The following PVT1 variants were observed in gnomAD, a reference collection of about 807,000 sequenced individuals.
The protein encoded by PVT1 is CXCR4/PVT1 fusion.
chr8:127,899,937 G>C (rs192823806), intron 3 of PVT1, among the ~76,000 whole-genome samples: 2 of 152,306 alleles, frequency 1.3e-5, no homozygotes, highest in South Asian at 4.1e-4. Flanking sequence ...AAAGGGCAAC[G>C]TAACAAAAGC....
In PVT1 at chr8:127,995,134, T is replaced by G. The variant is rs149244086; in HGVS notation, n.912+5843T>G. On this transcript the variant is annotated intron_variant and non_coding_transcript_variant, in intron 4 of 10. Coordinates refer to ENST00000651587, the Ensembl canonical transcript of PVT1. ...GCTCACCAGGCTGGTTTGATTGACT[T>G]GGCCCAAAGCTGCCCTTTGAGTGTT... 1.1e-4 allele frequency among the ~76,000 whole-genome samples: 16 copies of G among 152,328 alleles called. No individual in the cohort carries two copies. In the East Asian group the frequency reaches 2.9e-3, roughly 28 times the overall value.
chr8:127,825,076 T>A (rs1245725895), intron 2 of PVT1, among the ~76,000 whole-genome samples: 1 of 134,884 alleles, frequency 7.4e-6, no homozygotes, highest in African/African-American at 2.9e-5. Context: ...GTCGAGATCA[T>A]GCACTGCACT....
chr8:127,921,349 A>G (rs558792648), intron 3 of PVT1, among the ~76,000 whole-genome samples: 3 of 152,252 alleles, frequency 2.0e-5, no homozygotes, highest in East Asian at 3.9e-4. Flanking sequence ...TAAAAAAAAA[A>G]AGTTAAGAGA....
chr8:127,914,783 G>T (rs528561043), intron 3 of PVT1, among the ~76,000 whole-genome samples: 1 of 150,582 alleles, frequency 6.6e-6, no homozygotes, highest in East Asian at 1.9e-4. Flanking sequence ...GCCATGGGGA[G>T]TAGCTGCTTA....
intron 5 of PVT1, among the ~76,000 whole-genome samples, chr8:128,089,257 G>A (rs1814317161): frequency 6.6e-6 from 1 of 152,156 alleles, no homozygotes; most frequent in African/African-American, 2.4e-5. Flanking sequence ...CAAGATCAAG[G>A]TGCTGACAGA....
chr8:128,084,899 C>T (rs1031075971), intron 5 of PVT1, among the ~76,000 whole-genome samples: 15 of 152,308 alleles, frequency 9.8e-5, no homozygotes, highest in South Asian at 2.1e-4. Flanking sequence ...GATTAGTTCA[C>T]GCTCTCTTTT....
intron 4 of PVT1, among the ~76,000 whole-genome samples, chr8:127,991,935 G>T (rs755093424): frequency 1.5e-4 from 23 of 152,116 alleles, no homozygotes; most frequent in Non-Finnish European, 2.2e-4. Flanking sequence ...CATGAGTCGG[G>T]ACTGTTGCCT....
At chr8:127,958,478 A>G (rs1816598318) in intron 3 of PVT1, among the ~76,000 whole-genome samples, 1 of 152,242 alleles carries the variant, frequency 6.6e-6, no homozygotes, top group Non-Finnish European at 1.5e-5. Context: ...GAGCTCAGGC[A>G]TCCGCCTGCT....
chr8:128,013,546 G>A (rs2130040021), intron 4 of PVT1, among the ~76,000 whole-genome samples: 2 of 152,306 alleles, frequency 1.3e-5, no homozygotes, highest in Admixed American at 1.3e-4. Flanking sequence ...CTGAGGAATG[G>A]ACAAGAGAGA....
chr8:127,979,435 C>T (rs1816859286), intron 3 of PVT1, among the ~76,000 whole-genome samples: 1 of 152,228 alleles, frequency 6.6e-6, no homozygotes, highest in African/African-American at 2.4e-5. Context: ...CTTGGTGACA[C>T]AAGGCCTGAG....
intron 5 of PVT1, among the ~76,000 whole-genome samples, chr8:128,082,448 CT>C (rs1225118862): frequency 6.6e-6 from 1 of 152,228 alleles, no homozygotes; most frequent in Non-Finnish European, 1.5e-5. Flanking sequence ...TGACTTCTAG[CT>C]GCAATGTTCC....
chr8:127,984,898 T>TCC (rs1491272616), intron 3 of PVT1, among the ~76,000 whole-genome samples: 7 of 101,796 alleles, frequency 6.9e-5, no homozygotes, highest in African/African-American at 6.7e-5. Flanking sequence ...TCTTTCTTTC[T>TCC]TTCTTTCTTT....
chr8:127,822,099 G>A (rs1397316985), intron 2 of PVT1, among the ~76,000 whole-genome samples: 1 of 152,216 alleles, frequency 6.6e-6, no homozygotes, highest in East Asian at 1.9e-4. Context: ...GCTTCATAGA[G>A]CTGTTGTAAG....
chr8:128,032,291 G>C (rs1813400675), intron 4 of PVT1, among the ~76,000 whole-genome samples: 1 of 152,200 alleles, frequency 6.6e-6, no homozygotes, highest in African/African-American at 2.4e-5. Flanking sequence ...GCCCAGGGCT[G>C]CTGGAACCTG....
chr8:127,924,508 ATT>A (rs140569442), intron 3 of PVT1, among the ~76,000 whole-genome samples: 18,253 of 92,482 alleles, frequency 0.2, 1,342 homozygotes, highest in Middle Eastern at 0.31. Flanking sequence ...TAACTTTTGT[ATT>A]TTTTTTTTTT....
At chr8:127,826,433 G>A (rs1049387083) in intron 2 of PVT1, among the ~76,000 whole-genome samples, 4 of 152,114 alleles carry the variant, frequency 2.6e-5, no homozygotes, top group Non-Finnish European at 5.9e-5. Flanking sequence ...CTGCACTTTA[G>A]TTCTTCAGGC....
intron 4 of PVT1, among the ~76,000 whole-genome samples, chr8:128,030,831 T>C (rs915127092): frequency 2.6e-5 from 4 of 152,232 alleles, no homozygotes; most frequent in African/African-American, 9.6e-5. Flanking sequence ...CACTAGCTTC[T>C]GTACCCCTCA....
intron 4 of PVT1, among the ~76,000 whole-genome samples, chr8:128,004,636 G>A (rs1435467675): frequency 1.3e-5 from 2 of 152,208 alleles, no homozygotes; most frequent in African/African-American, 2.4e-5. Flanking sequence ...TCCTGCTACA[G>A]GGAGAAGCCT....
At position 127,898,683 on chromosome 8, in the gene PVT1, C is replaced by G. The variant is rs1159853661; in HGVS notation, n.782+7685C>G. Among the ~76,000 whole-genome samples, 1 of 152,200 alleles carries G rather than the reference C, an allele frequency of 6.6e-6. No homozygotes were observed. Among genetic ancestry groups the G allele is most frequent in the Non-Finnish European group, 1.5e-5 (1 of 68,028 alleles). On this transcript the variant is annotated intron_variant and non_coding_transcript_variant, in intron 3 of 10. Transcript: ENST00000651587. This position sits in a 1 kb window ranked among gnomAD's most constrained non-coding sequence, Gnocchi z 4.4. ...GCCCTGGTGGCTCTCTTCCCTCTCA[C>G]CTTCCCAGGAGGCAGATTATTTCCC...
Sources: gnomAD v4.1 joint callset for allele counts (sites outside exome capture counted in the v4.1 genomes callset) on GRCh38, gnomAD v4.1.1 for gene constraint, Gnocchi (gnomAD v3.1) non-coding constraint, MANE v1.5 for transcripts, NCBI Gene and HGNC (gene_info 2026-07-23, HGNC 2026-07-21) for gene names.